C2CD5: variants seen among roughly 807,000 people sequenced by gnomAD.
C2CD5 encodes the protein C2 calcium dependent domain containing 5.
A neutral mutation model predicts 130.3 loss-of-function variants in C2CD5; 109 were observed. The ratio of observed to expected loss-of-function variants is 0.84; its 90% CI spans 0.72 to 0.98. C2CD5 has a LOEUF of 0.98. C2CD5 is among the 50% of genes least tolerant of loss of function. The probability of loss-of-function intolerance (pLI) is 0.00; values close to 1 mark genes in which losing one functional copy is unlikely to be tolerated. For synonymous variants in C2CD5, 454 were observed against 429.2 expected, an observed-to-expected ratio of 1.06 and a Z score of -0.71; for missense variants, 996 against 1,261.8, an observed-to-expected ratio of 0.79 and a Z score of 3.19.
intron 14 of C2CD5, among the ~76,000 whole-genome samples, chr12:22,479,572 T>C (rs1944405762): frequency 6.6e-6 from 1 of 152,176 alleles, no homozygotes; most frequent in South Asian, 2.1e-4. Flanking sequence ...AGTCAATAAA[T>C]GTGGACAAAC....
chr12:22,492,567 T>C (rs1283579002), intron 11 of C2CD5, among the ~76,000 whole-genome samples: 2 of 152,100 alleles, frequency 1.3e-5, no homozygotes, highest in Non-Finnish European at 2.9e-5. Flanking sequence ...AACATAATCA[T>C]ATGTAACTGG....
chr12:22,471,247 C>T (rs919069214), intron 20 of C2CD5, 152 bp downstream of exon 20: 6 of 592,484 alleles, frequency 1.0e-5, no homozygotes, highest in Non-Finnish European at 1.8e-5. Context: ...AAAAGAAACA[C>T]ACATGGCCTA....
At chr12:22,502,080 C>T (rs1947874909) in intron 10 of C2CD5, among the ~76,000 whole-genome samples, 1 of 151,904 alleles carries the variant, frequency 6.6e-6, no homozygotes, top group Admixed American at 6.6e-5. Flanking sequence ...CTCTAAAACA[C>T]ATCATCAGCT....
intron 10 of C2CD5, among the ~76,000 whole-genome samples, chr12:22,504,231 C>G (rs920673808): frequency 6.6e-6 from 1 of 151,936 alleles, no homozygotes; most frequent in Non-Finnish European, 1.5e-5. Context: ...GTAAACTTCA[C>G]CTGTTCTCCC....
chr12:22,502,930 A>C (rs1270582760), intron 10 of C2CD5: 1 of 597,334 alleles, frequency 1.7e-6, no homozygotes, highest in East Asian at 2.8e-5. Context: ...AGACATAGAC[A>C]GCAGAGTTAA....
chr12:22,492,012 A>C (rs530127898), intron 11 of C2CD5, among the ~76,000 whole-genome samples: 45 of 152,346 alleles, frequency 3.0e-4, no homozygotes, highest in Middle Eastern at 6.8e-3. Flanking sequence ...TAACAAGAGT[A>C]GAACCGCTAC....
chr12:22,508,226 G>T (rs1948798342), intron 9 of C2CD5, among the ~76,000 whole-genome samples: 1 of 151,988 alleles, frequency 6.6e-6, no homozygotes, highest in African/African-American at 2.4e-5. Flanking sequence ...AATAAATTCA[G>T]TTCAAATTTA....
At chr12:22,498,162 T>C (rs1947297058) in intron 10 of C2CD5, among the ~76,000 whole-genome samples, 1 of 152,082 alleles carries the variant, frequency 6.6e-6, no homozygotes, top group African/African-American at 2.4e-5. Flanking sequence ...ATTGCTGAGA[T>C]TATCAGTAAA....
intron 15 of C2CD5, among the ~76,000 whole-genome samples, chr12:22,476,667 A>G (rs941177745): frequency 6.6e-6 from 1 of 152,074 alleles, no homozygotes; most frequent in Non-Finnish European, 1.5e-5. Flanking sequence ...ACTAAGTACA[A>G]TAATATGTAA....
At chr12:22,472,902 T>A (rs1943267848) in intron 16 of C2CD5, 95 bp from the exon 17 acceptor site, 3 of 733,894 alleles carry the variant, frequency 4.1e-6, no homozygotes, top group African/African-American at 3.6e-5. Flanking sequence ...AAAGGCAGAG[T>A]CATTTTTCCT....
intron 10 of C2CD5, among the ~76,000 whole-genome samples, chr12:22,503,284 C>T (rs767625567): frequency 5.3e-5 from 8 of 152,252 alleles, no homozygotes; most frequent in Admixed American, 5.2e-4. Context: ...CTCAATCCAT[C>T]GTTAAGTCTC....
At chr12:22,451,267 G>A (rs1228949943) in intron 26 of C2CD5, among the ~76,000 whole-genome samples, 3 of 151,832 alleles carry the variant, frequency 2.0e-5, no homozygotes, top group Non-Finnish European at 4.4e-5. Flanking sequence ...ATTTTTTTAA[G>A]ATATAAAGGC....
intron 8 of C2CD5, chr12:22,515,229 G>T: frequency 2.2e-6 from 1 of 464,066 alleles, no homozygotes; most frequent in Non-Finnish European, 2.8e-6. Flanking sequence ...GCAATGATGA[G>T]GCAAAATATA....
chr12:22,518,867 ACAAAATAG>A (rs1950012019), intron 7 of C2CD5, among the ~76,000 whole-genome samples: 1 of 152,254 alleles, frequency 6.6e-6, no homozygotes, highest in African/African-American at 2.4e-5. Flanking sequence ...GTACACACAT[ACAAAATAG>A]CATTATTTGA....
At chr12:22,494,658 A>C (rs1204996135) in intron 10 of C2CD5, among the ~76,000 whole-genome samples, 1 of 152,116 alleles carries the variant, frequency 6.6e-6, no homozygotes, top group African/African-American at 2.4e-5. Flanking sequence ...TTCTTTCAGA[A>C]GAAAGAAATG....
intron 22 of C2CD5, among the ~76,000 whole-genome samples, chr12:22,460,237 T>C (rs1686761122): frequency 6.6e-6 from 1 of 152,194 alleles, no homozygotes; most frequent in Non-Finnish European, 1.5e-5. Flanking sequence ...TAAATAGCAC[T>C]ATAAAAAAAC....
At position 22,539,578 on chromosome 12, in the gene C2CD5, C is replaced by T. The variant is rs1592052315; in HGVS notation, c.91-4234G>A. Among the ~76,000 whole-genome samples the T allele has an allele frequency of 2.0e-5, 3 of 152,090 alleles. No homozygotes were observed. In the East Asian group the frequency reaches 5.8e-4, roughly 29 times the overall value. On this transcript the variant is annotated intron_variant, in intron 2 of 26. Transcript: ENST00000446597. The stretch of plus-strand genomic sequence containing the variant: ...GTGGTTTTGGGGAAAATAGTAATTG[C>T]ATTAAGTGAGGAAGGGCCAGAGATG...
intron 10 of C2CD5, among the ~76,000 whole-genome samples, chr12:22,495,838 G>T (rs1382210418): frequency 6.6e-6 from 1 of 152,108 alleles, no homozygotes; most frequent in African/African-American, 2.4e-5. Flanking sequence ...TTGCAAAGCA[G>T]ATTCAGCATA....
intron 22 of C2CD5, chr12:22,463,546 C>T (rs968355521): frequency 6.6e-6 from 1 of 152,224 alleles, no homozygotes; most frequent in Non-Finnish European, 1.5e-5. Flanking sequence ...AGGCCCCTGC[C>T]AGATGCTGGT....
Sources: allele counts gnomAD v4.1 joint callset (sites outside exome capture counted in the v4.1 genomes callset), GRCh38; gene constraint gnomAD v4.1.1; transcripts MANE v1.5; gene names NCBI Gene and HGNC (gene_info 2026-07-23, HGNC 2026-07-21).